The following IQCJ variants were observed in gnomAD, a reference collection of about 807,000 sequenced individuals.
The protein encoded by IQCJ is IQ motif containing J.
In IQCJ, 9 loss-of-function variants were observed where a neutral mutation model predicts 11.0. That is an observed-to-expected ratio of 0.82 (90% CI 0.49 to 1.43). The LOEUF (loss-of-function observed/expected upper bound fraction) is 1.43. Among genes scored for constraint, IQCJ ranks in the 40% most tolerant of loss-of-function variants. IQCJ has a pLI of 0.00. For synonymous variants in IQCJ, 55 were observed against 51.3 expected (o/e 1.07, Z -0.31); for missense variants, 146 against 133.2 (o/e 1.10, Z -0.47).
At chr3:159,089,763 A>T (rs1040647420) in intron 1 of IQCJ, among the ~76,000 whole-genome samples, 5 of 151,466 alleles carry the variant, frequency 3.3e-5, no homozygotes, top group African/African-American at 1.2e-4. Flanking sequence ...CTTGGTTTTC[A>T]GCTCCATCAG....
chr3:159,088,564 G>A (rs902997305), intron 1 of IQCJ, among the ~76,000 whole-genome samples: 1 of 152,132 alleles, frequency 6.6e-6, no homozygotes, highest in African/African-American at 2.4e-5. Context: ...AAGTCTCTTG[G>A]TAGGTCTCTA....
At chr3:159,102,161 T>G (rs1247046178) in intron 1 of IQCJ, among the ~76,000 whole-genome samples, 1 of 152,226 alleles carries the variant, frequency 6.6e-6, no homozygotes, top group African/African-American at 2.4e-5. Flanking sequence ...ACATCAGTTG[T>G]CAGGCTAATA....
chr3:159,233,143 T>A (rs910985720), intron 1 of IQCJ, among the ~76,000 whole-genome samples: 1 of 152,180 alleles, frequency 6.6e-6, no homozygotes, highest in South Asian at 2.1e-4. Flanking sequence ...TCATCCCAAG[T>A]TTTTGAGTTC....
intron 1 of IQCJ, among the ~76,000 whole-genome samples, chr3:159,180,888 C>A (rs112799106): frequency 0.019 from 2,841 of 152,024 alleles, 125 homozygotes; most frequent in African/African-American, 0.066. Flanking sequence ...ATTTTGTCAT[C>A]AAGTTATATG....
At chr3:159,252,921 T>A in intron 3 of IQCJ, 114 bp downstream of exon 3, 1 of 1,052,546 alleles carries the variant, frequency 9.5e-7, no homozygotes, top group Admixed American at 2.4e-5. Context: ...ATTCATGTGC[T>A]GCATATTATT....
At chr3:159,159,875 T>TCACCTTCC (rs142124322) in intron 1 of IQCJ, among the ~76,000 whole-genome samples, 1 of 151,986 alleles carries the variant, frequency 6.6e-6, no homozygotes, top group Non-Finnish European at 1.5e-5. Flanking sequence ...CTGCTCCTCC[T>TCACCTTCC]CACCTTCCCA....
chr3:159,133,624 C>T (rs981596219), intron 1 of IQCJ, among the ~76,000 whole-genome samples: 14 of 152,168 alleles, frequency 9.2e-5, no homozygotes, highest in Admixed American at 5.9e-4. Context: ...GGGGCTTAAA[C>T]GTGTGCAGAG....
At chr3:159,192,928 A>C (rs1723775129) in intron 1 of IQCJ, among the ~76,000 whole-genome samples, 1 of 152,214 alleles carries the variant, frequency 6.6e-6, no homozygotes, top group Non-Finnish European at 1.5e-5. Flanking sequence ...CCTGCAATGC[A>C]GCTGGTCTTA....
At chr3:159,174,362 T>C (rs1722657466) in intron 1 of IQCJ, among the ~76,000 whole-genome samples, 1 of 152,112 alleles carries the variant, frequency 6.6e-6, no homozygotes, top group Admixed American at 6.6e-5. Flanking sequence ...AAAATTATTC[T>C]CTCAAGGTGC....
At chr3:159,202,195 G>C (rs1007786495) in intron 1 of IQCJ, among the ~76,000 whole-genome samples, 1 of 152,050 alleles carries the variant, frequency 6.6e-6, no homozygotes, top group Non-Finnish European at 1.5e-5. Context: ...AACTTTAAAG[G>C]CTCTTTAAGA....
At chr3:159,113,764 C>A (rs1391329419) in intron 1 of IQCJ, among the ~76,000 whole-genome samples, 3 of 152,164 alleles carry the variant, frequency 2.0e-5, no homozygotes, top group African/African-American at 7.2e-5. Context: ...TTAACTACTG[C>A]TTACTCCATG....
chr3:159,119,158 C>T (rs1239178214), intron 1 of IQCJ, among the ~76,000 whole-genome samples: 1 of 152,198 alleles, frequency 6.6e-6, no homozygotes, highest in Non-Finnish European at 1.5e-5. Context: ...GCTGCTGTGG[C>T]AGAGGATTGG....
At chr3:159,189,953 C>A (rs900801304) in intron 1 of IQCJ, among the ~76,000 whole-genome samples, 2 of 152,200 alleles carry the variant, frequency 1.3e-5, no homozygotes, top group Non-Finnish European at 2.9e-5. Flanking sequence ...AAGGGCCTAA[C>A]AAACCCATTT....
At chr3:159,115,200 C>T (rs1016490493) in intron 1 of IQCJ, among the ~76,000 whole-genome samples, 18 of 152,132 alleles carry the variant, frequency 1.2e-4, no homozygotes, top group Admixed American at 7.9e-4. Flanking sequence ...GTCCACTCTC[C>T]GTTTTGGATT....
intron 1 of IQCJ, among the ~76,000 whole-genome samples, chr3:159,219,848 G>A (rs193241085): frequency 6.7e-4 from 102 of 152,224 alleles, no homozygotes; most frequent in Non-Finnish European, 1.2e-3. Context: ...AGCCTGCAGT[G>A]CTCTCTCAGT....
intron 1 of IQCJ, among the ~76,000 whole-genome samples, chr3:159,104,303 C>T (rs1227836046): frequency 6.6e-6 from 1 of 152,202 alleles, no homozygotes; most frequent in Non-Finnish European, 1.5e-5. Flanking sequence ...ATGCAAGGTC[C>T]CTCTCTTGTG....
At chr3:159,140,199 T>G (rs1182122061) in intron 1 of IQCJ, among the ~76,000 whole-genome samples, 1 of 150,200 alleles carries the variant, frequency 6.7e-6, no homozygotes, top group Non-Finnish European at 1.5e-5. Context: ...ACGATTGGTG[T>G]TGTACAGTCT....
At chr3:159,239,012 G>T (rs545606294) in intron 1 of IQCJ, among the ~76,000 whole-genome samples, 3 of 152,244 alleles carry the variant, frequency 2.0e-5, no homozygotes, top group Admixed American at 1.3e-4. Context: ...AGAGACAAAT[G>T]GGACTAGCAA....
At chr3:159,079,741 A>T (rs73874796) in intron 1 of IQCJ, among the ~76,000 whole-genome samples, 2,429 of 152,202 alleles carry the variant, frequency 0.016, 64 homozygotes, top group African/African-American at 0.057. Flanking sequence ...TTTCATTTTC[A>T]ATGGTTGCTT....
Sources: allele counts gnomAD v4.1 joint callset (sites outside exome capture counted in the v4.1 genomes callset), GRCh38; gene constraint gnomAD v4.1.1; transcripts MANE v1.5; gene names NCBI Gene and HGNC (gene_info 2026-07-23, HGNC 2026-07-21).